Variants in NPHP4 observed in about 807,000 individuals in gnomAD.
NPHP4 encodes nephrocystin-4.
NPHP4 carries 151 observed loss-of-function variants against 155.8 expected under a neutral mutation model. The ratio of observed to expected loss-of-function variants is 0.97; its 90% CI spans 0.85 to 1.11. The LOEUF (loss-of-function observed/expected upper bound fraction) is 1.11. NPHP4 is among the 50% of genes least tolerant of loss of function. The probability of loss-of-function intolerance (pLI) is 0.00; values close to 1 mark genes in which losing one functional copy is unlikely to be tolerated. For synonymous variants in NPHP4, 845 were observed against 816.8 expected (o/e 1.03, Z -0.59); for missense variants, 1,956 against 1,925.7 (o/e 1.02, Z -0.29).
chr1:5,914,968 G>A (rs1276926960), intron 11 of NPHP4, among the ~76,000 whole-genome samples: 2 of 152,234 alleles, frequency 1.3e-5, no homozygotes, highest in Non-Finnish European at 2.9e-5. Context: ...TAGCTGTGCT[G>A]CCAGCCTGCC....
chr1:5,935,004 C>T (rs886787352), intron 9 of NPHP4, among the ~76,000 whole-genome samples: 4 of 152,190 alleles, frequency 2.6e-5, no homozygotes, highest in East Asian at 3.9e-4. Context: ...CGCATGCATG[C>T]GTGCTCTCAA....
At chr1:5,921,012 C>T (rs919714702) in intron 11 of NPHP4, among the ~76,000 whole-genome samples, 1 of 152,168 alleles carries the variant, frequency 6.6e-6, no homozygotes, top group African/African-American at 2.4e-5. Flanking sequence ...TTTAATCCAT[C>T]CCATTTTACA....
intron 1 of NPHP4, among the ~76,000 whole-genome samples, chr1:5,987,502 C>A (rs1437879514): frequency 6.6e-6 from 1 of 152,020 alleles, no homozygotes. Context: ...GCCACTGGGG[C>A]CTCACTCAAC....
chr1:5,906,936 A>C (rs992791531), intron 13 of NPHP4, among the ~76,000 whole-genome samples, 179 bp downstream of exon 13: 1 of 152,228 alleles, frequency 6.6e-6, no homozygotes, highest in African/African-American at 2.4e-5. Flanking sequence ...TCCAAGACAG[A>C]ATGGTGACAA....
chr1:5,949,718 A>G (rs935488471), intron 7 of NPHP4, among the ~76,000 whole-genome samples: 1 of 152,042 alleles, frequency 6.6e-6, no homozygotes, highest in Admixed American at 6.5e-5. Context: ...AACATTCAGG[A>G]AAGTCAGCTA....
chr1:5,900,876 C>CA (rs921429089), intron 16 of NPHP4, among the ~76,000 whole-genome samples: 5 of 151,578 alleles, frequency 3.3e-5, no homozygotes, highest in Admixed American at 6.6e-5. Context: ...ACAAAAACTA[C>CA]AAAAAAAATA....
intron 1 of NPHP4, 63 bp from the exon 2 acceptor site, chr1:5,986,390 T>C: frequency 7.6e-7 from 1 of 1,313,802 alleles, no homozygotes; most frequent in Non-Finnish European, 1.0e-6. Flanking sequence ...ACAGCAATCC[T>C]GAAGGCTTCT....
At chr1:5,973,367 GTAAGTGAGCAGACATGA>G (rs1232754814) in intron 3 of NPHP4, among the ~76,000 whole-genome samples, 41 of 152,360 alleles carry the variant, frequency 2.7e-4, no homozygotes, top group African/African-American at 8.7e-4. Context: ...ACTTAGAAAA[GTAAGTGAGCAGACATGA>G]TTATAACCCA....
chr1:5,875,039 T>C lies in NPHP4; in HGVS notation c.2879A>G (p.Glu960Gly). ...RDLQVIAAYR[E>G]RTKAESIASL... is the part of the protein sequence containing the mutation. ...GGCGATGCTCTCGGCCTTCGTGCGT[T>C]CCCGGTAGGCGGCGATGACCTGTAG... Residue 960 changes from glutamate to glycine, a missense_variant, in exon 21 of 30, where the codon GAA becomes GGA. Physicochemically the swap from Glu to Gly is moderately conservative, Grantham distance 98 (BLOSUM62 -2). Coordinates refer to ENST00000378156, the MANE Select transcript of NPHP4 (RefSeq NM_015102.5). 1 of 1,609,490 alleles carries C rather than the reference T, an allele frequency of 6.2e-7. No homozygotes were observed. Among genetic ancestry groups the C allele is most frequent in the Non-Finnish European group, 8.5e-7 (1 of 1,179,840 alleles).
rs2100951247 is a variant in NPHP4 at position 5,892,804 on chromosome 1, G to A, written c.2144-1776C>T. On this transcript the variant is annotated intron_variant, in intron 16 of 29. Coordinates refer to ENST00000378156, the MANE Select transcript of NPHP4 (RefSeq NM_015102.5). This position sits in a 1 kb window ranked among gnomAD's most constrained non-coding sequence, Gnocchi z 4.5. ...ATTTCCATCCCACTCAGAAGTCCAG[G>A]AAGCTGGCCTCCAACTGAACTAAGA... 6.6e-6 allele frequency among the ~76,000 whole-genome samples: 1 copy of A among 152,218 alleles called. No homozygotes were observed. Among genetic ancestry groups the A allele is most frequent in the Non-Finnish European group, 1.5e-5 (1 of 68,014 alleles).
chr1:5,979,402 G>T (rs539742993), intron 2 of NPHP4, among the ~76,000 whole-genome samples: 1 of 152,160 alleles, frequency 6.6e-6, no homozygotes, highest in Non-Finnish European at 1.5e-5. Flanking sequence ...GGGGGCATGA[G>T]AAGAACCACA....
chr1:5,907,197 G>A lies in NPHP4; in HGVS notation c.1529C>T (p.Ser510Phe). The change falls in exon 13 of 30, where the codon TCC (serine) becomes TTC (phenylalanine). Residue 510 changes from serine (S) to phenylalanine (F), a missense_variant. Physicochemically the swap from Ser to Phe is radical, Grantham distance 155. Coordinates refer to ENST00000378156, the MANE Select transcript of NPHP4 (RefSeq NM_015102.5). ...GCAGTGCTGAGTCGGGGACCGCGGG[G>A]AGGCCGCCAGCTGGGAAATTGACAA... ...PGLSISQLAA[S>F]PRSPTQHCLA... 1 of 1,585,258 alleles carries A rather than the reference G, an allele frequency of 6.3e-7. No individual in the cohort carries two copies. The highest frequency in any genetic ancestry group is 1.2e-5 in the South Asian group (1 of 86,176).
chr1:5,990,028 C>A (rs913637220), intron 1 of NPHP4, among the ~76,000 whole-genome samples: 1 of 152,232 alleles, frequency 6.6e-6, no homozygotes, highest in Non-Finnish European at 1.5e-5. Context: ...ACCTGAGACT[C>A]TGCAGGTGGG....
intron 2 of NPHP4, among the ~76,000 whole-genome samples, chr1:5,978,693 A>G (rs989324258): frequency 2.6e-5 from 4 of 152,162 alleles, no homozygotes; most frequent in African/African-American, 9.7e-5. Context: ...ACATGACCAC[A>G]GGAGACACAT....
At chr1:5,909,039 C>G in intron 12 of NPHP4, 113 bp downstream of exon 12, 1 of 919,968 alleles carries the variant, frequency 1.1e-6, no homozygotes, top group Middle Eastern at 2.1e-4. Context: ...CAGGCCCTCC[C>G]CAGCCACGCA....
intron 2 of NPHP4, among the ~76,000 whole-genome samples, chr1:5,980,548 T>A (rs1397002711): frequency 1.3e-5 from 2 of 152,024 alleles, no homozygotes; most frequent in Non-Finnish European, 2.9e-5. Context: ...TTCCCGCAGC[T>A]GCCATGTGGG....
intron 5 of NPHP4, among the ~76,000 whole-genome samples, chr1:5,964,917 T>TTACATATATATA (rs1651095767): frequency 1.2e-5 from 1 of 82,640 alleles, no homozygotes; most frequent in African/African-American, 5.6e-5. Flanking sequence ...TACATATATA[T>TTACATATATATA]TATATATATA....
chr1:5,947,378 C>T, intron 8 of NPHP4, 148 bp from the exon 9 acceptor site: 2 of 744,158 alleles, frequency 2.7e-6, no homozygotes, highest in East Asian at 2.5e-5. Context: ...TGTAACACTG[C>T]ACGCTCTCCC....
intron 29 of NPHP4, 137 bp from the exon 30 acceptor site, chr1:5,863,542 T>C: frequency 1.0e-6 from 1 of 998,160 alleles, no homozygotes. Flanking sequence ...ATCCAAGGCC[T>C]GCCTTTGACT....
Sources: gnomAD v4.1 joint callset for allele counts (sites outside exome capture counted in the v4.1 genomes callset) on GRCh38, gnomAD v4.1.1 for gene constraint, Gnocchi (gnomAD v3.1) non-coding constraint, MANE v1.5 for transcripts, NCBI Gene and HGNC (gene_info 2026-07-23, HGNC 2026-07-21) for gene names.